Variants in ERLIN2 observed in about 807,000 individuals in gnomAD.
ERLIN2 encodes erlin-2.
ERLIN2 carries 22 observed loss-of-function variants against 41.5 expected under a neutral mutation model. The observed-to-expected ratio is 0.53, with a 90% confidence interval of 0.38 to 0.76. ERLIN2 has a LOEUF of 0.76. Ranked by LOEUF, ERLIN2 falls within the 30% of genes least tolerant of loss-of-function variation. ERLIN2 has a pLI of 0.00. For missense variants in ERLIN2, 247 were observed against 414.3 expected (o/e 0.60, Z 3.51); for synonymous variants, 149 against 150.9 (o/e 0.99, Z 0.09).
At chr8:37,739,018 T>C (rs535375049) in intron 2 of ERLIN2, among the ~76,000 whole-genome samples, 1 of 149,694 alleles carries the variant, frequency 6.7e-6, no homozygotes, top group African/African-American at 2.5e-5. Context: ...ATTTTATTGG[T>C]TTTTTTTTTA....
intron 6 of ERLIN2, chr8:37,748,033 A>C (rs1259266518): frequency 6.3e-7 from 1 of 1,591,612 alleles, no homozygotes; most frequent in African/African-American, 1.3e-5. Flanking sequence ...GAAAAACTCT[A>C]CGCAAAGAAG....
At chr8:37,738,358 C>T (rs1802727420) in intron 2 of ERLIN2, among the ~76,000 whole-genome samples, 1 of 149,660 alleles carries the variant, frequency 6.7e-6, no homozygotes, top group South Asian at 2.1e-4. Flanking sequence ...TCCTACATTC[C>T]TCTGGCAGTC....
intron 6 of ERLIN2, chr8:37,745,886 T>A: frequency 8.0e-7 from 1 of 1,246,670 alleles, no homozygotes; most frequent in South Asian, 2.2e-5. Context: ...AAAATATTAA[T>A]TTTCTCTAGC....
At chr8:37,747,295 A>G (rs1329858951) in intron 6 of ERLIN2, 1 of 860,702 alleles carries the variant, frequency 1.2e-6, no homozygotes, top group Admixed American at 1.7e-5. Context: ...CTCCTGATCT[A>G]AATGCTTGCC....
chr8:37,751,503 C>A, intron 9 of ERLIN2, 123 bp from the exon 10 acceptor site: 1 of 765,296 alleles, frequency 1.3e-6, no homozygotes, highest in Non-Finnish European at 2.3e-6. Context: ...TGTGTGCACT[C>A]ACAGCTGCCC....
chr8:37,747,975 G>T, intron 6 of ERLIN2: 1 of 1,614,186 alleles, frequency 6.2e-7, no homozygotes, highest in South Asian at 1.1e-5. Context: ...TGTCAGAGCA[G>T]ACTACTGACC....
chr8:37,742,549 C>T (rs1465495480), intron 4 of ERLIN2, among the ~76,000 whole-genome samples: 1 of 152,022 alleles, frequency 6.6e-6, no homozygotes, highest in Non-Finnish European at 1.5e-5. Context: ...CAAACTAATG[C>T]AGGAACAGAA....
intron 8 of ERLIN2, 34 bp from the exon 9 acceptor site, chr8:37,750,361 C>T: frequency 6.4e-7 from 1 of 1,561,814 alleles, no homozygotes. Context: ...CCTGAGTTTT[C>T]CATAGCTGCC....
chr8:37,747,866 T>A, intron 6 of ERLIN2: 1 of 1,614,180 alleles, frequency 6.2e-7, no homozygotes. Context: ...ATGGGCAATT[T>A]CTCTAACTGA....
chr8:37,738,579 TAAAATAA>T (rs1378366687), intron 2 of ERLIN2, among the ~76,000 whole-genome samples: 1 of 152,004 alleles, frequency 6.6e-6, no homozygotes. Flanking sequence ...TCTAAAAAAA[TAAAATAA>T]AAAATAAAAT....
rs1417624682 is a variant in ERLIN2 at position 37,748,040 on chromosome 8, G to A, written c.425-1519G>A. 5.8e-6 allele frequency: 9 copies of A among 1,563,414 alleles called. No individual in the cohort carries two copies. In the East Asian group the frequency reaches 9.0e-5, roughly 16 times the overall value. ...AGCAACCTGAAAAACTCTACGCAAA[G>A]AAGAGGGTCGCGCCGAAATGACGTC... On this transcript the variant is annotated intron_variant, in intron 6 of 11. Coordinates refer to ENST00000519638, the MANE Select transcript of ERLIN2 (RefSeq NM_007175.8).
At chr8:37,745,020 C>T in intron 6 of ERLIN2, 1 of 596,022 alleles carries the variant, frequency 1.7e-6, no homozygotes, top group Non-Finnish European at 3.0e-6. Flanking sequence ...AAGACAAGGT[C>T]CATTCTAGAA....
At chr8:37,748,105 T>A in intron 6 of ERLIN2, 1 of 789,932 alleles carries the variant, frequency 1.3e-6, no homozygotes, top group Non-Finnish European at 2.2e-6. Context: ...GCTACCTTAG[T>A]AATACAATTT....
In ERLIN2 at chr8:37,737,963, T is replaced by G. The variant is rs753863065; in HGVS notation, c.41T>G (p.Phe14Cys). 1 of 1,614,204 alleles carries G rather than the reference T, an allele frequency of 6.2e-7. No homozygotes were observed. Among genetic ancestry groups the G allele is most frequent in the South Asian group, 1.1e-5 (1 of 91,082 alleles). The change falls in exon 2 of 12, where the codon TTC (phenylalanine) becomes TGC (cysteine). Residue 14 changes from phenylalanine (F) to cysteine (C), a missense_variant. This residue lies in a region of ERLIN2 where 93 missense variants were observed against 139.0 expected (regional missense o/e 0.67). Coordinates refer to ENST00000519638, the MANE Select transcript of ERLIN2 (RefSeq NM_007175.8). ...GCAGTTGTGGCTGTGGCTTCCAGTT[T>G]CTTTTGTGCATCTCTCTTCTCAGCT... is the stretch of plus-strand genomic sequence containing the variant. ...LGAVVAVASS[F>C]FCASLFSAVH... is the part of the protein sequence containing the mutation.
At chr8:37,748,938 G>A (rs1167760153) in intron 6 of ERLIN2, among the ~76,000 whole-genome samples, 1 of 152,130 alleles carries the variant, frequency 6.6e-6, no homozygotes, top group Non-Finnish European at 1.5e-5. Context: ...AAGAAATCAG[G>A]ACCAAAGCAA....
Position 37,744,416 on chromosome 8 carries a change from G to T in ERLIN2, c.298G>T (p.Val100Leu). 1 of 1,613,934 alleles carries T rather than the reference G, an allele frequency of 6.2e-7. No homozygotes were observed. The highest frequency in any genetic ancestry group is 8.5e-7 in the Non-Finnish European group (1 of 1,179,816). Residue 100 changes from valine to leucine, a missense_variant and splice_region_variant, in exon 5 of 12, where the codon GTG becomes TTG. Val to Leu is a conservative substitution (Grantham distance 32). Around this residue, in one of 3 missense-constraint regions of ERLIN2, gnomAD observed 93 missense variants for 139.0 expected, o/e 0.67. Transcript: ENST00000519638. Reference sequence around the variant, plus strand: ...GGTGAACTTCCTGGTCCCGAACGCAGGTACGTCTTAACAGTTTATTCCCAC... The same window carrying T: ...GGTGAACTTCCTGGTCCCGAACGCATGTACGTCTTAACAGTTTATTCCCAC... ...EVVNFLVPNA[V>L]YDIVKNYTAD...
chr8:37,742,802 C>G (rs1345801563), intron 4 of ERLIN2, among the ~76,000 whole-genome samples: 2 of 152,142 alleles, frequency 1.3e-5, no homozygotes, highest in African/African-American at 4.8e-5. Flanking sequence ...GCACATGTAC[C>G]TCTGAATTTA....
In ERLIN2 at chr8:37,744,432, T is replaced by G. The variant is rs542972895; in HGVS notation, c.298+16T>G. 9 of 1,613,510 alleles carry G rather than the reference T, an allele frequency of 5.6e-6. No individual in the cohort carries two copies. The South Asian group carries it at 8.8e-5, about 16-fold the overall frequency. On this transcript the variant is annotated intron_variant, in intron 5 of 11. Coordinates refer to ENST00000519638, the MANE Select transcript of ERLIN2 (RefSeq NM_007175.8). ...CCGAACGCAGGTACGTCTTAACAGTTTATTCCCACCACCAGCTCACTTTCC... is the reference window on the plus strand; with the variant it reads ...CCGAACGCAGGTACGTCTTAACAGTGTATTCCCACCACCAGCTCACTTTCC...
intron 10 of ERLIN2, 59 bp downstream of exon 10, chr8:37,751,774 G>A (rs1803223668): frequency 1.5e-6 from 2 of 1,326,962 alleles, no homozygotes; most frequent in East Asian, 2.3e-5. Context: ...GTGGCCAGTG[G>A]GTTGGGGAGC....
Sources: allele counts gnomAD v4.1 joint callset (sites outside exome capture counted in the v4.1 genomes callset), GRCh38; gene constraint gnomAD v4.1.1; regional missense constraint gnomAD v4.1.1; transcripts MANE v1.5; gene names NCBI Gene and HGNC (gene_info 2026-07-23, HGNC 2026-07-21).